IL5RA: variants seen among roughly 807,000 people sequenced by gnomAD.
IL5RA encodes interleukin-5 receptor subunit alpha.
Under a neutral mutation model 50.0 loss-of-function variants are expected in IL5RA, and 49 were observed. That is an observed-to-expected ratio of 0.98 (90% CI 0.78 to 1.24). The LOEUF (loss-of-function observed/expected upper bound fraction) is 1.24. Among genes scored for constraint, IL5RA ranks in the 50% most tolerant of loss-of-function variants. The probability of loss-of-function intolerance (pLI) is 0.00; values close to 1 mark genes in which losing one functional copy is unlikely to be tolerated. For missense variants in IL5RA, 600 were observed against 500.4 expected, an observed-to-expected ratio of 1.20 and a Z score of -1.90; for synonymous variants, 202 against 174.0, an observed-to-expected ratio of 1.16 and a Z score of -1.26.
intron 3 of IL5RA, 68 bp downstream of exon 3, chr3:3,104,835 A>G: frequency 2.1e-6 from 2 of 972,396 alleles, no homozygotes; most frequent in Non-Finnish European, 3.2e-6. Flanking sequence ...TTAAGAGGAA[A>G]TAATGTTATC....
At chr3:3,102,484 T>G (rs1434768542) in intron 4 of IL5RA, among the ~76,000 whole-genome samples, 191 bp downstream of exon 4, 1 of 152,248 alleles carries the variant, frequency 6.6e-6, no homozygotes, top group Non-Finnish European at 1.5e-5. Context: ...TCTGTGATGC[T>G]GTTTAACGCT....
In IL5RA at chr3:3,095,541, G is replaced by T. The variant is rs992222017; in HGVS notation, c.710-97C>A. 7.9e-6 allele frequency: 8 copies of T among 1,012,124 alleles called. No homozygotes were observed. The African/African-American group carries it at 9.8e-5, about 12-fold the overall frequency. 62.7% of individuals were successfully genotyped at this position (1,012,124 alleles called of 1,614,324 possible). On this transcript the variant is annotated intron_variant, in intron 7 of 11. Coordinates refer to ENST00000446632, the MANE Select transcript of IL5RA (RefSeq NM_175726.4). The stretch of plus-strand genomic sequence containing the variant: ...CCCACACTTCTCAAGGCATTTCTAA[G>T]ATACGCTTTTTTCAAATATTTACCA...
chr3:3,085,535 C>T (rs775149406), intron 9 of IL5RA, among the ~76,000 whole-genome samples: 85 of 152,238 alleles, frequency 5.6e-4, no homozygotes, highest in Non-Finnish European at 2.8e-4. Flanking sequence ...GTTGGAGCTG[C>T]GGGACCTTGG....
At chr3:3,091,196 A>G (rs1559869821) in intron 9 of IL5RA, among the ~76,000 whole-genome samples, 1 of 152,202 alleles carries the variant, frequency 6.6e-6, no homozygotes, top group African/African-American at 2.4e-5. Context: ...TAGATTACAC[A>G]GTTTTGGAAT....
Position 3,092,250 on chromosome 3 carries a change from C to T in IL5RA, c.968G>A (p.Ser323Asn). 1 of 1,614,148 alleles carries T rather than the reference C, an allele frequency of 6.2e-7. No homozygotes were observed. Among genetic ancestry groups the T allele is most frequent in the Middle Eastern group, 1.6e-4 (1 of 6,062 alleles). The change falls in exon 9 of 12, where the codon AGT (serine) becomes AAT (asparagine). Residue 323 changes from serine to asparagine, a missense_variant. Transcript: ENST00000446632. The surrounding 1 kb of genome is among the most constrained non-coding windows in gnomAD (Gnocchi z 4.2). ...SSMCREAGLW[S>N]EWSQPIYVGN... The stretch of plus-strand genomic sequence containing the variant: ...CACATAAATAGGTTGGCTCCACTCA[C>T]TCCAGAGCCCTGCCTCTCTGCACAT...
intron 11 of IL5RA, chr3:3,073,742 A>G (rs891140795): frequency 6.7e-6 from 3 of 447,608 alleles, no homozygotes; most frequent in Non-Finnish European, 1.3e-5. Context: ...TGACAACTCA[A>G]CACAATCTCA....
intron 9 of IL5RA, among the ~76,000 whole-genome samples, chr3:3,085,095 T>C (rs181844994): frequency 6.6e-6 from 1 of 151,834 alleles, no homozygotes; most frequent in Admixed American, 6.6e-5. Flanking sequence ...CCGCCCCCCC[T>C]GGTGGGAACA....
At position 3,108,688 on chromosome 3, in the gene IL5RA, G is replaced by A. The variant is rs1704045599; in HGVS notation, c.-142C>T. On this transcript the variant is annotated 5_prime_UTR_variant, in exon 2 of 12. Transcript: ENST00000446632. Reference sequence around the variant, plus strand: ...CACAGGACCAATGCTCAATGTGCCTGGCCCTGTGTGGAATAGAAGCAAATT... The same window carrying A: ...CACAGGACCAATGCTCAATGTGCCTAGCCCTGTGTGGAATAGAAGCAAATT... The A allele has an allele frequency of 1.3e-5, 2 of 152,160 alleles. No homozygotes were observed. The highest frequency in any genetic ancestry group is 6.5e-5 in the Admixed American group (1 of 15,278). The allele number at this position is 152,160 out of a possible 1,614,324, so 9.4% of individuals were successfully genotyped here. A position where few individuals can be genotyped will look rare whatever the true frequency, so the allele number is the denominator to read the frequency against.
intron 9 of IL5RA, among the ~76,000 whole-genome samples, chr3:3,078,448 T>A (rs1702558789): frequency 6.6e-6 from 1 of 152,216 alleles, no homozygotes; most frequent in African/African-American, 2.4e-5. Context: ...CAAATATTCA[T>A]AGAGTCCTTC....
chr3:3,089,306 C>T (rs1467108513), intron 9 of IL5RA, among the ~76,000 whole-genome samples: 3 of 152,290 alleles, frequency 2.0e-5, no homozygotes, highest in Non-Finnish European at 2.9e-5. Flanking sequence ...CTTGGGAACT[C>T]GGTAACTTAG....
intron 9 of IL5RA, chr3:3,090,313 C>T: frequency 1.6e-6 from 2 of 1,269,558 alleles, no homozygotes; most frequent in Non-Finnish European, 2.2e-6. Context: ...CTTGTAAAGG[C>T]TGAATGTTAA....
chr3:3,066,346 A>G lies in IL5RA; in HGVS notation c.*3879T>C, dbSNP rs953839134. 3 of 152,194 alleles carry G rather than the reference A, an allele frequency of 2.0e-5. No homozygotes were observed. The highest frequency in any genetic ancestry group is 7.2e-5 in the African/African-American group (3 of 41,438). 9.4% of individuals were successfully genotyped at this position (152,194 alleles called of 1,614,324 possible). ...CAATTCACTGTCATTTATGTTTAAT[A>G]TTTCTCATTCTGAAACATATTTATA... On this transcript the variant is annotated 3_prime_UTR_variant, in exon 12 of 12. Coordinates refer to ENST00000446632, the MANE Select transcript of IL5RA (RefSeq NM_175726.4).
Position 3,070,246 on chromosome 3 carries a change from G to A in IL5RA, c.1242C>T (p.Thr414=), listed in dbSNP as rs201462594. The A allele has an allele frequency of 1.2e-5, 20 of 1,611,694 alleles. No individual in the cohort carries two copies. Among genetic ancestry groups the A allele is most frequent in the Non-Finnish European group, 1.6e-5 (19 of 1,178,282 alleles). The change falls in exon 12 of 12, where the codon ACC becomes ACT. Residue 414 remains threonine, a synonymous_variant. Coordinates refer to ENST00000446632, the MANE Select transcript of IL5RA (RefSeq NM_175726.4). The part of the protein sequence containing the change: ...ICYIEKPGVE[T]LEDSVF ...ACAGTCAAAACACAGAATCCTCCAGGGTCTCAACTCCAGGCTTCTCTATAT... is the reference window on the plus strand; with the variant it reads ...ACAGTCAAAACACAGAATCCTCCAGAGTCTCAACTCCAGGCTTCTCTATAT...
chr3:3,099,488 G>T (rs2125981571), intron 5 of IL5RA, among the ~76,000 whole-genome samples: 1 of 152,078 alleles, frequency 6.6e-6, no homozygotes, highest in African/African-American at 2.4e-5. Flanking sequence ...AATTAGCCAG[G>T]TGTGGCGGCA....
intron 9 of IL5RA, among the ~76,000 whole-genome samples, chr3:3,082,149 A>C (rs767390480): frequency 7.9e-5 from 12 of 152,242 alleles, no homozygotes; most frequent in Non-Finnish European, 1.8e-4. Context: ...CAAGGAGGGA[A>C]GATCCCACTG....
At chr3:3,091,254 C>T (rs954373651) in intron 9 of IL5RA, among the ~76,000 whole-genome samples, 1 of 151,888 alleles carries the variant, frequency 6.6e-6, no homozygotes, top group Non-Finnish European at 1.5e-5. Flanking sequence ...ATGGGAAAAT[C>T]GAAGAGATGG....
chr3:3,100,811 A>C (rs918098063), intron 5 of IL5RA, among the ~76,000 whole-genome samples: 3 of 152,094 alleles, frequency 2.0e-5, no homozygotes, highest in African/African-American at 7.2e-5. Context: ...CTTGGGATCA[A>C]GCCCATGCAA....
intron 9 of IL5RA, among the ~76,000 whole-genome samples, chr3:3,089,373 A>C (rs2125968168): frequency 6.6e-6 from 1 of 152,286 alleles, no homozygotes; most frequent in African/African-American, 2.4e-5. Flanking sequence ...GCCTTTCCTT[A>C]TCTTTCCCAG....
intron 11 of IL5RA, among the ~76,000 whole-genome samples, 177 bp from the exon 12 acceptor site, chr3:3,070,488 C>T (rs1369031218): frequency 6.6e-6 from 1 of 151,908 alleles, no homozygotes; most frequent in Non-Finnish European, 1.5e-5. Flanking sequence ...CATCTATCTC[C>T]CAAACACAGC....
Sources: gnomAD v4.1 joint callset for allele counts (sites outside exome capture counted in the v4.1 genomes callset) on GRCh38, gnomAD v4.1.1 for gene constraint, Gnocchi (gnomAD v3.1) non-coding constraint, MANE v1.5 for transcripts, NCBI Gene and HGNC (gene_info 2026-07-23, HGNC 2026-07-21) for gene names.